Variants in IGSF6 observed in about 807,000 individuals in gnomAD.
The protein encoded by IGSF6 is down-regulated by activation (immunoglobulin superfamily).
IGSF6 carries 23 observed loss-of-function variants against 24.7 expected under a neutral mutation model. The observed-to-expected ratio is 0.93, with a 90% confidence interval of 0.67 to 1.32. The LOEUF is 1.32. Ranked by LOEUF, IGSF6 falls within the 40% of genes most tolerant of loss-of-function variation. The pLI is 0.00. For missense variants in IGSF6, 295 were observed against 293.6 expected (o/e 1.00, Z -0.04); for synonymous variants, 110 against 113.7 (o/e 0.97, Z 0.21).
chr16:21,645,190 T>C (rs1356666474), intron 2 of IGSF6, among the ~76,000 whole-genome samples: 1 of 152,204 alleles, frequency 6.6e-6, no homozygotes, highest in Non-Finnish European at 1.5e-5. Flanking sequence ...TGATGGCTCA[T>C]GCCTGTAATC....
intron 5 of IGSF6, among the ~76,000 whole-genome samples, chr16:21,641,827 C>G (rs1330256860): frequency 2.0e-5 from 3 of 152,106 alleles, no homozygotes; most frequent in Middle Eastern, 3.4e-3. Flanking sequence ...TGGCTGGGAG[C>G]TTTACAATTC....
rs933924758 is a variant in IGSF6, at chr16:21,647,146, T to C, written c.414A>G (p.Thr138=). The C allele has an allele frequency of 1.2e-6, 2 of 1,614,166 alleles. No homozygotes were observed. The highest frequency in any genetic ancestry group is 1.7e-5 in the Admixed American group (1 of 60,024). ...ARAKQTGGGT[T]LVVREIKLLS... ...TCGCTGACTGACCTCTTACCACCAG[T>C]GTGGTCCCTCCTCCTGTCTGTTTAG... Residue 138 remains threonine (T), a synonymous_variant, in exon 2 of 6, where the codon ACA becomes ACG. Transcript: ENST00000268389.
chr16:21,643,575 G>A lies in IGSF6; in HGVS notation c.558C>T (p.Asn186=). The A allele has an allele frequency of 6.2e-7, 1 of 1,606,470 alleles. No individual in the cohort carries two copies. The highest frequency in any genetic ancestry group is 8.5e-7 in the Non-Finnish European group (1 of 1,174,484). ...TTTGTGAGTCTTCTTTTATTTCTTT[G>A]TTTCTTAGAGGGTTGGATTTTGACT... ...LSKSKSNPLR[N]KEIKEDSQKK... Residue 186 remains asparagine (N), a synonymous_variant, in exon 4 of 6, where the codon AAC becomes AAT. Transcript: ENST00000268389.
chr16:21,644,638 A>G (rs953671533), intron 2 of IGSF6, among the ~76,000 whole-genome samples: 20 of 152,228 alleles, frequency 1.3e-4, no homozygotes, highest in Non-Finnish European at 2.6e-4. Flanking sequence ...AAAAAATTCA[A>G]CCAACCATTT....
At chr16:21,652,383 G>T in intron 1 of IGSF6, 149 bp downstream of exon 1, 1 of 528,458 alleles carries the variant, frequency 1.9e-6, no homozygotes, top group South Asian at 3.6e-5. Flanking sequence ...CTATTTCTCA[G>T]GGGAAAAAGG....
At chr16:21,649,062 C>T (rs1256044088) in intron 1 of IGSF6, among the ~76,000 whole-genome samples, 2 of 152,130 alleles carry the variant, frequency 1.3e-5, no homozygotes, top group Non-Finnish European at 2.9e-5. Context: ...GCAATCACGG[C>T]ACACTGCAAC....
At chr16:21,642,759 A>T (rs1966306646) in intron 5 of IGSF6, among the ~76,000 whole-genome samples, 1 of 152,206 alleles carries the variant, frequency 6.6e-6, no homozygotes. Context: ...TGCATGCAGG[A>T]TACTGTACAG....
chr16:21,651,221 TCAAA>T (rs1313373981), intron 1 of IGSF6, among the ~76,000 whole-genome samples: 1 of 152,026 alleles, frequency 6.6e-6, no homozygotes, highest in Non-Finnish European at 1.5e-5. Flanking sequence ...AGACTCCGTC[TCAAA>T]CAAACAAAAA....
In IGSF6 at chr16:21,639,696, T is replaced by C. The variant is rs1011667213; in HGVS notation, c.*1838A>G. The C allele has an allele frequency of 1.3e-5, 2 of 152,222 alleles. No homozygotes were observed. Among genetic ancestry groups the C allele is most frequent in the African/African-American group, 4.8e-5 (2 of 41,460 alleles). 9.4% of individuals were successfully genotyped at this position (152,222 alleles called of 1,614,324 possible). A position where few individuals can be genotyped will look rare whatever the true frequency, so the allele number is the denominator to read the frequency against. ...CAAAACACATGTGGCCCCACACATA[T>C]ACACATGTGCACTCACGTGTACACA... On this transcript the variant is annotated 3_prime_UTR_variant, in exon 6 of 6. Transcript: ENST00000268389.
intron 2 of IGSF6, chr16:21,646,924 G>C (rs1398337462): frequency 6.6e-6 from 4 of 609,062 alleles, no homozygotes; most frequent in Non-Finnish European, 8.9e-6. Context: ...AAAGTGCTGG[G>C]ATTACAGGTG....
At chr16:21,646,473 A>G (rs1284957702) in intron 2 of IGSF6, 2 of 157,370 alleles carry the variant, frequency 1.3e-5, no homozygotes, top group African/African-American at 4.8e-5. Context: ...TTACCAGACT[A>G]GTTCCTGAGA....
intron 2 of IGSF6, among the ~76,000 whole-genome samples, chr16:21,645,580 A>G (rs1271907423): frequency 6.6e-6 from 1 of 152,232 alleles, no homozygotes; most frequent in Non-Finnish European, 1.5e-5. Context: ...AAAAAGCTTC[A>G]GTGTGAAAAT....
At chr16:21,642,930 C>G in intron 5 of IGSF6, 144 bp downstream of exon 5, 1 of 561,026 alleles carries the variant, frequency 1.8e-6, no homozygotes, top group Non-Finnish European at 3.2e-6. Context: ...AAAACAGGTT[C>G]TATATAAAAA....
intron 1 of IGSF6, among the ~76,000 whole-genome samples, chr16:21,648,160 C>G (rs561743794): frequency 6.6e-6 from 1 of 152,304 alleles, no homozygotes; most frequent in Admixed American, 6.5e-5. Context: ...CAGGCCATAG[C>G]TAAGCAGATT....
chr16:21,649,910 T>C (rs1363895374), intron 1 of IGSF6, among the ~76,000 whole-genome samples: 1 of 152,066 alleles, frequency 6.6e-6, no homozygotes, highest in Non-Finnish European at 1.5e-5. Flanking sequence ...GGTTTTGCGA[T>C]GTTGGCCAGC....
At chr16:21,648,367 C>T (rs1000371358) in intron 1 of IGSF6, among the ~76,000 whole-genome samples, 3 of 152,162 alleles carry the variant, frequency 2.0e-5, no homozygotes, top group Non-Finnish European at 4.4e-5. Flanking sequence ...GTTAGTGTGA[C>T]GTTCAAGATG....
At chr16:21,647,533 C>T in intron 1 of IGSF6, 41 bp from the exon 2 acceptor site, 4 of 1,567,048 alleles carry the variant, frequency 2.6e-6, no homozygotes, top group Non-Finnish European at 3.5e-6. Context: ...GGGCCTGCCA[C>T]CTCACTTTGT....
At chr16:21,651,076 A>C (rs929072560) in intron 1 of IGSF6, among the ~76,000 whole-genome samples, 1 of 152,090 alleles carries the variant, frequency 6.6e-6, no homozygotes, top group South Asian at 2.1e-4. Context: ...ACAAAAAATT[A>C]GCCGGGTGTG....
At chr16:21,648,525 C>G (rs1966485923) in intron 1 of IGSF6, among the ~76,000 whole-genome samples, 1 of 152,208 alleles carries the variant, frequency 6.6e-6, no homozygotes, top group South Asian at 2.1e-4. Flanking sequence ...AAGGTGTTCA[C>G]AGAGCTGGGA....
Sources: allele counts gnomAD v4.1 joint callset (sites outside exome capture counted in the v4.1 genomes callset), GRCh38; gene constraint gnomAD v4.1.1; transcripts MANE v1.5; gene names NCBI Gene and HGNC (gene_info 2026-07-23, HGNC 2026-07-21).